The following BATF3 variants were observed in gnomAD, a reference collection of about 807,000 sequenced individuals.
BATF3 encodes the protein basic leucine zipper transcriptional factor ATF-like 3.
BATF3 carries 8 observed loss-of-function variants against 16.1 expected under a neutral mutation model. The ratio of observed to expected loss-of-function variants is 0.50; its 90% CI spans 0.29 to 0.90. BATF3 has a LOEUF of 0.90. Among genes scored for constraint, BATF3 ranks in the 40% least tolerant of loss-of-function variants. BATF3 has a pLI of 0.08. For missense variants in BATF3, 139 were observed against 167.0 expected (o/e 0.83, Z 0.92); for synonymous variants, 74 against 72.7 (o/e 1.02, Z -0.09).
At chr1:212,688,650 C>A (rs185675215) in intron 2 of BATF3, among the ~76,000 whole-genome samples, 17 of 152,364 alleles carry the variant, frequency 1.1e-4, no homozygotes, top group Non-Finnish European at 1.6e-4. Flanking sequence ...ACTAACTTAA[C>A]ACACAGGTCT....
Position 212,699,558 on chromosome 1 carries a change from G to A in BATF3, c.90+115C>T, listed in dbSNP as rs554403059. ...CCTCTGCTTGTCTCCGGCCGCACCC[G>A]CCACCTCTGCACCTCCGCAGTCACC... On this transcript the variant is annotated intron_variant, in intron 1 of 2. Transcript: ENST00000243440. This position sits in a 1 kb window ranked among gnomAD's most constrained non-coding sequence, Gnocchi z 4.4. 2.7e-4 allele frequency: 229 copies of A among 841,894 alleles called. No homozygotes were observed. In the African/African-American group the frequency reaches 3.1e-3, roughly 11 times the overall value. 52.2% of individuals were successfully genotyped at this position (841,894 alleles called of 1,614,324 possible). A position where few individuals can be genotyped will look rare whatever the true frequency, so the allele number is the denominator to read the frequency against.
chr1:212,688,841 C>CAA (rs1342527891), intron 2 of BATF3, among the ~76,000 whole-genome samples: 3 of 152,188 alleles, frequency 2.0e-5, no homozygotes, highest in Admixed American at 2.0e-4. Flanking sequence ...ATGCATTTCC[C>CAA]AAGCTCAGGG....
intron 2 of BATF3, among the ~76,000 whole-genome samples, chr1:212,691,034 CCAA>C (rs151012309): frequency 1.1e-3 from 171 of 152,260 alleles, no homozygotes; most frequent in African/African-American, 4.0e-3. Context: ...AGACAGGCCC[CCAA>C]CAACAAGGAA....
At chr1:212,693,652 C>T (rs1262987783) in intron 2 of BATF3, among the ~76,000 whole-genome samples, 2 of 152,038 alleles carry the variant, frequency 1.3e-5, no homozygotes, top group East Asian at 3.9e-4. Context: ...GGCCAGGGAC[C>T]CTACAGAAGA....
At chr1:212,690,966 T>A in intron 2 of BATF3, among the ~76,000 whole-genome samples, 1 of 152,046 alleles carries the variant, frequency 6.6e-6, no homozygotes, top group East Asian at 1.9e-4. Context: ...TGGTCGGGGG[T>A]GCTACTACAT....
rs1349955532 is a variant in BATF3 at position 212,699,247 on chromosome 1, C to T, written c.90+426G>A. Among the ~76,000 whole-genome samples the T allele has an allele frequency of 7.0e-6, 1 of 142,934 alleles. No individual in the cohort carries two copies. The highest frequency in any genetic ancestry group is 1.6e-5 in the Non-Finnish European group (1 of 63,910). 93.8% of individuals were successfully genotyped at this position (142,934 alleles called of 152,430 possible). The stretch of plus-strand genomic sequence containing the variant: ...TGACTAGTCCGGCGTTCTCCATTCC[C>T]GCGGCAGCACCCCCCCCACCCGGGG... On this transcript the variant is annotated intron_variant, in intron 1 of 2. Transcript: ENST00000243440. This position sits in a 1 kb window ranked among gnomAD's most constrained non-coding sequence, Gnocchi z 4.4.
At chr1:212,697,186 A>G in intron 1 of BATF3, 121 bp from the exon 2 acceptor site, 1 of 727,938 alleles carries the variant, frequency 1.4e-6, no homozygotes, top group Non-Finnish European at 2.3e-6. Flanking sequence ...AGACAGCACC[A>G]CTAGTTGCTA....
intron 2 of BATF3, among the ~76,000 whole-genome samples, chr1:212,695,503 A>C (rs1288385373): frequency 3.3e-5 from 5 of 150,282 alleles, no homozygotes; most frequent in Non-Finnish European, 5.9e-5. Context: ...AAAAAAAAAA[A>C]AAAAAAAAAA....
chr1:212,690,472 A>G, intron 2 of BATF3, among the ~76,000 whole-genome samples: 1 of 152,180 alleles, frequency 6.6e-6, no homozygotes, highest in East Asian at 1.9e-4. Flanking sequence ...ACTTTTATTG[A>G]GCTGAGGGAA....
intron 2 of BATF3, 129 bp from the exon 3 acceptor site, chr1:212,687,108 T>A (rs1453159352): frequency 1.5e-6 from 1 of 662,010 alleles, no homozygotes; most frequent in Non-Finnish European, 2.7e-6. Flanking sequence ...ACTGCTCAGA[T>A]ATTCAGATAT....
At position 212,699,839 on chromosome 1, in the gene BATF3, C is replaced by T. The variant is rs113665144; in HGVS notation, c.-77G>A. On this transcript the variant is annotated 5_prime_UTR_variant, in exon 1 of 3. Transcript: ENST00000243440. The surrounding 1 kb of genome is among the most constrained non-coding windows in gnomAD (Gnocchi z 4.4). ...CGTGGGGCTGCCTACGGGCGCTGTC[C>T]CGCCGCCGGCATCCTCGTGCCGCAC... The T allele has an allele frequency of 8.4e-6, 8 of 948,696 alleles. No homozygotes were observed. Among genetic ancestry groups the T allele is most frequent in the Non-Finnish European group, 1.0e-5 (8 of 769,460 alleles). 58.8% of individuals were successfully genotyped at this position (948,696 alleles called of 1,614,324 possible). A position where few individuals can be genotyped will look rare whatever the true frequency, so the allele number is the denominator to read the frequency against.
At chr1:212,688,401 C>T (rs1277072462) in intron 2 of BATF3, among the ~76,000 whole-genome samples, 2 of 152,212 alleles carry the variant, frequency 1.3e-5, no homozygotes, top group African/African-American at 2.4e-5. Context: ...GGGCCCAAGC[C>T]GCTGAGGATT....
rs1558019515 is a variant in BATF3 at position 212,689,032 on chromosome 1, C to G, written c.196-2053G>C. 6.6e-6 allele frequency among the ~76,000 whole-genome samples: 1 copy of G among 152,186 alleles called. No homozygotes were observed. Among genetic ancestry groups the G allele is most frequent in the Non-Finnish European group, 1.5e-5 (1 of 68,036 alleles). On this transcript the variant is annotated intron_variant, in intron 2 of 2. Transcript: ENST00000243440. This position sits in a 1 kb window ranked among gnomAD's most constrained non-coding sequence, Gnocchi z 4.6. ...TTTTCTGCATGGGTCCAGCTCAAGC[C>G]CACCACCTCCAGGAAGGCTTCCCTG...
chr1:212,697,739 T>A (rs3768547), intron 1 of BATF3: 23,437 of 152,210 alleles, frequency 0.15, 1,964 homozygotes, highest in South Asian at 0.26. Context: ...TATGTAAGAT[T>A]TAACCAAATT....
chr1:212,688,218 T>C (rs1241498393), intron 2 of BATF3, among the ~76,000 whole-genome samples: 1 of 152,202 alleles, frequency 6.6e-6, no homozygotes, highest in Admixed American at 6.5e-5. Context: ...GGATACAGCA[T>C]CTCAGGTCCT....
At chr1:212,688,382 TCCTGTGCTGGGC>T (rs1656912841) in intron 2 of BATF3, among the ~76,000 whole-genome samples, 1 of 152,210 alleles carries the variant, frequency 6.6e-6, no homozygotes, top group African/African-American at 2.4e-5. Context: ...CAGTGACCTC[TCCTGTGCTGGGC>T]CCAAGCCGCT....
chr1:212,699,751 C>G lies in BATF3; in HGVS notation c.12G>C (p.Gly4=). The G allele has an allele frequency of 7.8e-7, 1 of 1,286,802 alleles. No homozygotes were observed. The highest frequency in any genetic ancestry group is 9.9e-7 in the Non-Finnish European group (1 of 1,014,746). The allele number at this position is 1,286,802 out of a possible 1,614,324, so 79.7% of individuals were successfully genotyped here. A position where few individuals can be genotyped will look rare whatever the true frequency, so the allele number is the denominator to read the frequency against. The change falls in exon 1 of 3, where the codon GGG becomes GGC. Residue 4 remains glycine (G), a synonymous_variant. Coordinates refer to ENST00000243440, the MANE Select transcript of BATF3 (RefSeq NM_018664.3). The surrounding 1 kb of genome is among the most constrained non-coding windows in gnomAD (Gnocchi z 4.4). ...GCAGGACGCTGCCGGCGGCCGGGAG[C>G]CCTTGCGACATGCCGGGCGCTCCTC... The part of the protein sequence containing the change: MSQ[G]LPAAGSVLQR...
At position 212,689,574 on chromosome 1, in the gene BATF3, A is replaced by C. The variant is rs1430790618; in HGVS notation, c.196-2595T>G. On this transcript the variant is annotated intron_variant, in intron 2 of 2. Transcript: ENST00000243440. This position sits in a 1 kb window ranked among gnomAD's most constrained non-coding sequence, Gnocchi z 4.6. ...GAGTGAGAATTCTGTCTACAAATCCAGCCATAAGCTCTCCGTGGGCAAGGG... is the reference window on the plus strand; with the variant it reads ...GAGTGAGAATTCTGTCTACAAATCCCGCCATAAGCTCTCCGTGGGCAAGGG... Among the ~76,000 whole-genome samples the C allele has an allele frequency of 1.2e-4, 18 of 152,150 alleles. No homozygotes were observed. Among genetic ancestry groups the C allele is most frequent in the Admixed American group, 1.2e-3 (18 of 15,282 alleles).
In BATF3 at chr1:212,686,739, C is replaced by A; in HGVS notation, c.*52G>T. On this transcript the variant is annotated 3_prime_UTR_variant, in exon 3 of 3. Transcript: ENST00000243440. ...AATTGTGAAGGAAAAGCCTTCCTCC[C>A]AGGTATGAAAATGACCAAGGCTCCT... The A allele has an allele frequency of 6.4e-7, 1 of 1,567,976 alleles. No individual in the cohort carries two copies. Among genetic ancestry groups the A allele is most frequent in the South Asian group, 1.1e-5 (1 of 88,858 alleles).
Sources: gnomAD v4.1 joint callset for allele counts (sites outside exome capture counted in the v4.1 genomes callset) on GRCh38, gnomAD v4.1.1 for gene constraint, Gnocchi (gnomAD v3.1) non-coding constraint, MANE v1.5 for transcripts, NCBI Gene and HGNC (gene_info 2026-07-23, HGNC 2026-07-21) for gene names.